Variants in PELP1 observed in about 807,000 individuals in gnomAD.
The protein encoded by PELP1 is proline, glutamate and leucine rich protein 1.
In PELP1, 32 loss-of-function variants were observed where a neutral mutation model predicts 95.5. The observed-to-expected ratio is 0.34, with a 90% CI of 0.25 to 0.45. PELP1 has a LOEUF of 0.45. Among genes scored for constraint, PELP1 ranks in the 20% least tolerant of loss-of-function variants. The pLI, the probability that PELP1 is intolerant of heterozygous loss-of-function variation, is 1.00. For missense variants in PELP1, 1,358 were observed against 1,444.8 expected (o/e 0.94, Z 0.97); for synonymous variants, 668 against 600.1 (o/e 1.11, Z -1.65).
intron 1 of PELP1, among the ~76,000 whole-genome samples, chr17:4,699,949 C>T (rs1457498856): frequency 7.5e-6 from 1 of 132,762 alleles, no homozygotes; most frequent in Non-Finnish European, 1.5e-5. Context: ...ATCACCCAGG[C>T]TAGAGTGCAG....
chr17:4,674,379 G>C (rs907377162), intron 13 of PELP1, 131 bp downstream of exon 13: 15 of 780,418 alleles, frequency 1.9e-5, no homozygotes, highest in African/African-American at 3.6e-5. Context: ...TATCGCAGTG[G>C]ACGAAGGCTG....
chr17:4,685,635 AT>A (rs1912878626), intron 3 of PELP1, among the ~76,000 whole-genome samples: 1 of 114,104 alleles, frequency 8.8e-6, no homozygotes, highest in Non-Finnish European at 1.9e-5. Flanking sequence ...ACAAAAAAAA[AT>A]GTTTTAATTA....
chr17:4,677,425 C>G (rs1173142557), intron 5 of PELP1, among the ~76,000 whole-genome samples: 3 of 152,170 alleles, frequency 2.0e-5, no homozygotes, highest in Non-Finnish European at 4.4e-5. Context: ...TCCCACTAGC[C>G]TATTTGTAAA....
chr17:4,695,994 A>G (rs1299845379), intron 1 of PELP1, among the ~76,000 whole-genome samples: 1 of 145,482 alleles, frequency 6.9e-6, no homozygotes, highest in Admixed American at 7.1e-5. Context: ...ATAAAAAGGC[A>G]TACTGATAAC....
At chr17:4,701,088 G>T (rs2150568039) in intron 1 of PELP1, among the ~76,000 whole-genome samples, 1 of 150,618 alleles carries the variant, frequency 6.6e-6, no homozygotes, top group East Asian at 2.0e-4. Flanking sequence ...GGGCAGCATA[G>T]GGTGGGGTGG....
chr17:4,693,261 T>C (rs895383741), intron 1 of PELP1, among the ~76,000 whole-genome samples: 2 of 152,106 alleles, frequency 1.3e-5, no homozygotes, highest in Non-Finnish European at 2.9e-5. Flanking sequence ...GCATCATTCA[T>C]AATAACCAAA....
At chr17:4,701,115 G>A (rs535015336) in intron 1 of PELP1, among the ~76,000 whole-genome samples, 35 of 150,794 alleles carry the variant, frequency 2.3e-4, no homozygotes, top group African/African-American at 8.3e-4. Context: ...TACTATTTAT[G>A]TCTGAAATTT....
chr17:4,686,754 G>A (rs1255070986), intron 3 of PELP1, among the ~76,000 whole-genome samples: 1 of 152,078 alleles, frequency 6.6e-6, no homozygotes, highest in African/African-American at 2.4e-5. Context: ...CCGACCTCAG[G>A]TGATCCGCCC....
chr17:4,682,367 T>C, intron 5 of PELP1, 135 bp downstream of exon 5: 1 of 654,306 alleles, frequency 1.5e-6, no homozygotes, highest in Non-Finnish European at 2.7e-6. Context: ...TACAAAGTGG[T>C]AGAAGTGTAC....
chr17:4,703,911 G>A lies in PELP1; in HGVS notation c.201C>T (p.Pro67=), dbSNP rs372793409. Residue 67 remains proline, a synonymous_variant, in exon 1 of 17, where the codon CCC becomes CCT. Coordinates refer to ENST00000572293, the MANE Select transcript of PELP1 (RefSeq NM_014389.3). ...HPPNRSAPHL[P]GLMCLLRLHG... ...GCAGCCGCAATAGGCACATGAGCCC[G>A]GGCAAATGTGGGGCCGAGCGGTTTG... 24 of 1,613,450 alleles carry A rather than the reference G, an allele frequency of 1.5e-5. No individual in the cohort carries two copies. Among genetic ancestry groups the A allele is most frequent in the East Asian group, 1.3e-4 (6 of 44,880 alleles).
Position 4,671,450 on chromosome 17 carries a change from GCT to G in PELP1, c.3380_3381del (p.Glu1127AlafsTer2). The G allele has an allele frequency of 6.6e-7, 1 of 1,508,718 alleles. No individual in the cohort carries two copies. The highest frequency in any genetic ancestry group is 9.2e-7 in the Non-Finnish European group (1 of 1,083,882). 93.5% of individuals were successfully genotyped at this position (1,508,718 alleles called of 1,614,324 possible). A position where few individuals can be genotyped will look rare whatever the true frequency, so the allele number is the denominator to read the frequency against. On this transcript the variant is annotated frameshift_variant, in exon 17 of 17. Coordinates refer to ENST00000572293, the MANE Select transcript of PELP1 (RefSeq NM_014389.3). LOFTEE classifies it high-confidence loss of function. The stretch of plus-strand genomic sequence containing the variant: ...GGTGCAGAAGATGGCTAGGAGTCAG[GCT>G]CTGTGGGAGGTGGTGGCTTCTCATC... ...PDDEKPPPPT[E>X]PDS
chr17:4,687,964 G>T (rs757780629), intron 3 of PELP1, among the ~76,000 whole-genome samples: 8 of 152,214 alleles, frequency 5.3e-5, no homozygotes, highest in Admixed American at 4.6e-4. Flanking sequence ...AACAAGACAA[G>T]GATGCCCACT....
chr17:4,702,093 G>C (rs1261074627), intron 1 of PELP1, among the ~76,000 whole-genome samples: 1 of 152,176 alleles, frequency 6.6e-6, no homozygotes, highest in Non-Finnish European at 1.5e-5. Context: ...TTATAGGCGG[G>C]ATAGGTAATA....
chr17:4,691,149 A>G, intron 2 of PELP1, 156 bp from the exon 3 acceptor site: 1 of 664,998 alleles, frequency 1.5e-6, no homozygotes, highest in South Asian at 1.9e-5. Context: ...TGGAAGAAGC[A>G]AAGAAAGAAG....
chr17:4,680,074 G>A (rs771758029), intron 5 of PELP1, among the ~76,000 whole-genome samples: 44 of 152,262 alleles, frequency 2.9e-4, no homozygotes, highest in Non-Finnish European at 5.1e-4. Context: ...CTTTGGTTAC[G>A]TCACTTAAGT....
At position 4,669,918 on chromosome 17, in the gene PELP1, AG is replaced by A. The variant is rs1235542374; in HGVS notation, c.*1520del. ...TCATGTTAAAGAATCTGGGATGGGA[AG>A]GGCCACGGTGTCTACAGCTTACTTT... On this transcript the variant is annotated 3_prime_UTR_variant, in exon 17 of 17. Coordinates refer to ENST00000572293, the MANE Select transcript of PELP1 (RefSeq NM_014389.3). 2 of 152,194 alleles carry A rather than the reference AG, an allele frequency of 1.3e-5. No individual in the cohort carries two copies. Among genetic ancestry groups the A allele is most frequent in the African/African-American group, 4.8e-5 (2 of 41,446 alleles). The allele number at this position is 152,194 out of a possible 1,614,324, so 9.4% of individuals were successfully genotyped here. A position where few individuals can be genotyped will look rare whatever the true frequency, so the allele number is the denominator to read the frequency against.
At chr17:4,695,738 G>A (rs1221591034) in intron 1 of PELP1, among the ~76,000 whole-genome samples, 1 of 151,170 alleles carries the variant, frequency 6.6e-6, no homozygotes, top group African/African-American at 2.4e-5. Flanking sequence ...CAGCACTTGG[G>A]GAGGCCAAGG....
rs932553894 is a variant in PELP1, at chr17:4,676,702, AC to A, written c.702+50del. ...AAAGCTAGAGGAGGAGCAGCAAGAG[AC>A]AATCCAGGCTCAGATCCCCGGGCTC... On this transcript the variant is annotated intron_variant, in intron 6 of 16. Coordinates refer to ENST00000572293, the MANE Select transcript of PELP1 (RefSeq NM_014389.3). The A allele has an allele frequency of 2.0e-6, 3 of 1,489,512 alleles. No homozygotes were observed. In the African/African-American group the frequency reaches 4.2e-5, roughly 21 times the overall value. 92.3% of individuals were successfully genotyped at this position (1,489,512 alleles called of 1,614,324 possible).
In PELP1 at chr17:4,683,531, C is replaced by CTT. The variant is rs59870828; in HGVS notation, c.421-581_421-580dup. The stretch of plus-strand genomic sequence containing the variant: ...ATCACGCCCAGCTGAGTTTTCTTTT[C>CTT]TTTTTTTTTTTTTTTTTGAGACAGA... On this transcript the variant is annotated intron_variant, in intron 3 of 16. Transcript: ENST00000572293. Among the ~76,000 whole-genome samples the CTT allele has an allele frequency of 7.4e-4, 71 of 96,572 alleles. 4 individuals are homozygous for CTT. The East Asian group carries it at 9.3e-3, about 13-fold the overall frequency. 63.4% of individuals were successfully genotyped at this position (96,572 alleles called of 152,430 possible). A position where few individuals can be genotyped will look rare whatever the true frequency, so the allele number is the denominator to read the frequency against.
Sources: allele counts gnomAD v4.1 joint callset (sites outside exome capture counted in the v4.1 genomes callset), GRCh38; gene constraint gnomAD v4.1.1; transcripts MANE v1.5; gene names NCBI Gene and HGNC (gene_info 2026-07-23, HGNC 2026-07-21).